The following PRDM15 variants were observed in gnomAD, a reference collection of about 807,000 sequenced individuals.
PRDM15 encodes the protein PR domain zinc finger protein 15.
A neutral mutation model predicts 128.6 loss-of-function variants in PRDM15; 64 were observed. The ratio of observed to expected loss-of-function variants is 0.50; its 90% CI spans 0.41 to 0.61. PRDM15 has a LOEUF of 0.61. PRDM15 is among the 20% of genes least tolerant of loss of function. PRDM15 has a pLI of 0.00. For missense variants in PRDM15, 1,242 were observed against 1,569.1 expected (o/e 0.79, Z 3.52); for synonymous variants, 615 against 621.8 (o/e 0.99, Z 0.16).
chr21:41,858,642 G>C (rs1160139924), intron 3 of PRDM15, among the ~76,000 whole-genome samples: 1 of 152,250 alleles, frequency 6.6e-6, no homozygotes, highest in Non-Finnish European at 1.5e-5. Context: ...AGGCCCCTCA[G>C]GGCGGGCAGG....
intron 1 of PRDM15, among the ~76,000 whole-genome samples, chr21:41,864,912 T>TC (rs2063947554): frequency 1.2e-5 from 1 of 81,332 alleles, no homozygotes; most frequent in South Asian, 4.6e-4. Context: ...CAGCCACGCT[T>TC]CCCGGAACGC....
chr21:41,879,312 G>C lies in PRDM15; in HGVS notation c.-52C>G. The C allele has an allele frequency of 9.1e-7, 1 of 1,094,794 alleles. No individual in the cohort carries two copies. The highest frequency in any genetic ancestry group is 1.1e-6 in the Non-Finnish European group (1 of 890,194). 67.8% of individuals were successfully genotyped at this position (1,094,794 alleles called of 1,614,324 possible). On this transcript the variant is annotated 5_prime_UTR_variant, in exon 1 of 24. Transcript: ENST00000398548. This position sits in a 1 kb window ranked among gnomAD's most constrained non-coding sequence, Gnocchi z 5.1. ...AGAGCGGGATCGGATCCGGACTCCG[G>C]GTTGCGATCCGCTCCGGAAACTGCG...
In PRDM15 at chr21:41,819,811, A is replaced by T. The variant is rs913540771; in HGVS notation, c.2141-110T>A. 4 of 1,409,356 alleles carry T rather than the reference A, an allele frequency of 2.8e-6. No individual in the cohort carries two copies. The African/African-American group carries it at 4.3e-5, about 15-fold the overall frequency. The allele number at this position is 1,409,356 out of a possible 1,614,324, so 87.3% of individuals were successfully genotyped here. On this transcript the variant is annotated intron_variant, in intron 17 of 23. Coordinates refer to ENST00000398548, the MANE Select transcript of PRDM15 (RefSeq NM_001040424.3). ...CAGCCTCCCCAGCAGCTAGAAGCGC[A>T]GTAACAGGGGTGGGGTCGCCTCTTC...
intron 6 of PRDM15, among the ~76,000 whole-genome samples, chr21:41,842,758 G>A (rs1041364768): frequency 2.7e-5 from 4 of 148,300 alleles, no homozygotes; most frequent in African/African-American, 7.5e-5. Flanking sequence ...CAAAGTGTTG[G>A]GATTACAGCC....
In PRDM15 at chr21:41,820,085, A is replaced by C. The variant is rs1486927034; in HGVS notation, c.2140+10T>G. On this transcript the variant is annotated intron_variant, in intron 17 of 23. Transcript: ENST00000398548. The stretch of plus-strand genomic sequence containing the variant: ...GAGGGCCGGGACCCCAAATGCTGAC[A>C]GACACGCACCTGTGTGGATGAGCTT... 6.2e-7 allele frequency: 1 copy of C among 1,612,966 alleles called. No homozygotes were observed. Among genetic ancestry groups the C allele is most frequent in the Admixed American group, 1.7e-5 (1 of 60,018 alleles).
chr21:41,853,830 T>C (rs1875514805), intron 5 of PRDM15, among the ~76,000 whole-genome samples: 1 of 152,160 alleles, frequency 6.6e-6, no homozygotes, highest in Admixed American at 6.5e-5. Flanking sequence ...GAGGAGGCCA[T>C]TGCACGGTGA....
At chr21:41,833,246 A>G (rs2146538642) in intron 11 of PRDM15, among the ~76,000 whole-genome samples, 1 of 152,222 alleles carries the variant, frequency 6.6e-6, no homozygotes, top group Non-Finnish European at 1.5e-5. Flanking sequence ...TCACACCACA[A>G]GGGACAGGCA....
chr21:41,842,613 C>T (rs2063107816), intron 6 of PRDM15, among the ~76,000 whole-genome samples: 1 of 152,096 alleles, frequency 6.6e-6, no homozygotes, highest in South Asian at 2.1e-4. Context: ...GCCCCAGCCT[C>T]CTGAGTAGCT....
intron 5 of PRDM15, among the ~76,000 whole-genome samples, chr21:41,849,645 T>G (rs1411321842): frequency 6.6e-6 from 1 of 151,464 alleles, no homozygotes; most frequent in Non-Finnish European, 1.5e-5. Context: ...TGCTGGTTTT[T>G]AAAATACAGG....
Position 41,838,038 on chromosome 21 carries a change from C to G in PRDM15, c.897G>C (p.Glu299Asp), listed in dbSNP as rs755989761. 6.2e-7 allele frequency: 1 copy of G among 1,614,160 alleles called. No homozygotes were observed. The highest frequency in any genetic ancestry group is 1.6e-4 in the Middle Eastern group (1 of 6,062). Reference protein sequence around the residue: ...PTEQVAEIITEVPPDEPVSAT... With the variant: ...PTEQVAEIITDVPPDEPVSAT... ...CACTCACAGGCTCATCCGGAGGGAC[C>G]TCGGTAATGATCTCTGCCACTTGCT... Residue 299 changes from glutamate to aspartate, a missense_variant, in exon 8 of 24, where the codon GAG (glutamate) becomes GAC (aspartate). Physicochemically the swap from Glu to Asp is conservative, Grantham distance 45 (BLOSUM62 2). Coordinates refer to ENST00000398548, the MANE Select transcript of PRDM15 (RefSeq NM_001040424.3).
At chr21:41,819,186 C>T (rs1269829550) in intron 18 of PRDM15, among the ~76,000 whole-genome samples, 1 of 152,226 alleles carries the variant, frequency 6.6e-6, no homozygotes, top group Admixed American at 6.5e-5. Flanking sequence ...CTTAAGTAAG[C>T]GACTGAAGCC....
Position 41,854,935 on chromosome 21 carries a change from A to C in PRDM15, c.286-117T>G. 1 of 1,145,564 alleles carries C rather than the reference A, an allele frequency of 8.7e-7. No homozygotes were observed. The highest frequency in any genetic ancestry group is 1.2e-6 in the Non-Finnish European group (1 of 823,336). The allele number at this position is 1,145,564 out of a possible 1,614,324, so 71.0% of individuals were successfully genotyped here. A position where few individuals can be genotyped will look rare whatever the true frequency, so the allele number is the denominator to read the frequency against. Reference sequence around the variant, plus strand: ...TCTAGACAGTGCCACGTCAGAGGCCATAAGGGCTCCTGTACGGGATGTTGA... The same window carrying C: ...TCTAGACAGTGCCACGTCAGAGGCCCTAAGGGCTCCTGTACGGGATGTTGA... On this transcript the variant is annotated intron_variant, in intron 4 of 23. Coordinates refer to ENST00000398548, the MANE Select transcript of PRDM15 (RefSeq NM_001040424.3). This position sits in a 1 kb window ranked among gnomAD's most constrained non-coding sequence, Gnocchi z 4.6.
In PRDM15 at chr21:41,862,691, C is replaced by G. The variant is rs751839791; in HGVS notation, c.-9-2319G>C. Among the ~76,000 whole-genome samples the G allele has an allele frequency of 9.9e-5, 15 of 152,190 alleles. No individual in the cohort carries two copies. Among genetic ancestry groups the G allele is most frequent in the Non-Finnish European group, 2.1e-4 (14 of 68,032 alleles). ...GCCACAGCCACCCTGGGCTGCAGAT[C>G]AGGCCTGATAAACGGAGCATCTTCA... On this transcript the variant is annotated intron_variant, in intron 1 of 23. Transcript: ENST00000398548. The surrounding 1 kb of genome is among the most constrained non-coding windows in gnomAD (Gnocchi z 4.1).
At chr21:41,804,909 AGG>A (rs2146170096) in intron 21 of PRDM15, among the ~76,000 whole-genome samples, 1 of 152,294 alleles carries the variant, frequency 6.6e-6, no homozygotes, top group South Asian at 2.1e-4. Flanking sequence ...CCCCCACCAA[AGG>A]GGTGAGGTTT....
At position 41,856,004 on chromosome 21, in the gene PRDM15, CCTTCCTTT is replaced by C. The variant is rs2063586263; in HGVS notation, c.285+1164_285+1171del. On this transcript the variant is annotated intron_variant, in intron 4 of 23. Transcript: ENST00000398548. ...CTTCCCTCCCTCCCTCCCCTCCCTT[CCTTCCTTT>C]CCTTCCCTCCCTCCCTCCCCTCCCT... is the stretch of plus-strand genomic sequence containing the variant. Among the ~76,000 whole-genome samples, 3 of 7,052 alleles carry C rather than the reference CCTTCCTTT, an allele frequency of 4.3e-4. No individual in the cohort carries two copies. In the East Asian group the frequency reaches 0.02, roughly 46 times the overall value. The allele number at this position is 7,052 out of a possible 152,430, so 4.6% of individuals were successfully genotyped here. A position where few individuals can be genotyped will look rare whatever the true frequency, so the allele number is the denominator to read the frequency against.
At chr21:41,860,777 C>A (rs896628707) in intron 1 of PRDM15, among the ~76,000 whole-genome samples, 6 of 152,174 alleles carry the variant, frequency 3.9e-5, no homozygotes, top group African/African-American at 1.4e-4. Context: ...CCAGCCAGTA[C>A]AGGAACATTA....
In PRDM15 at chr21:41,821,207, C is replaced by T; in HGVS notation, c.1920G>A (p.Glu640=). 2 of 1,614,198 alleles carry T rather than the reference C, an allele frequency of 1.2e-6. No individual in the cohort carries two copies. Among genetic ancestry groups the T allele is most frequent in the Non-Finnish European group, 1.7e-6 (2 of 1,180,040 alleles). Residue 640 remains glutamate (E), a synonymous_variant, in exon 16 of 24, where the codon GAG becomes GAA. Transcript: ENST00000398548. The surrounding 1 kb of genome is among the most constrained non-coding windows in gnomAD (Gnocchi z 5.4). ...GCACCTCCATGATGTGCTTCAGGTA[C>T]TCCTTCCCCCGGCCGAAGGTGAGCT... is the stretch of plus-strand genomic sequence containing the variant. ...RCQLTFGRGK[E]YLKHIMEVHK...
At chr21:41,873,912 G>A (rs1242429383) in intron 1 of PRDM15, among the ~76,000 whole-genome samples, 1 of 152,026 alleles carries the variant, frequency 6.6e-6, no homozygotes, top group East Asian at 1.9e-4. Flanking sequence ...CAGGCATGGT[G>A]GCACATGCCT....
intron 13 of PRDM15, among the ~76,000 whole-genome samples, chr21:41,824,650 C>T (rs548240948): frequency 1.3e-5 from 2 of 152,194 alleles, no homozygotes; most frequent in African/African-American, 2.4e-5. Context: ...GCACAGGCTT[C>T]GCCCACCTCT....
Sources: gnomAD v4.1 joint callset for allele counts (sites outside exome capture counted in the v4.1 genomes callset) on GRCh38, gnomAD v4.1.1 for gene constraint, Gnocchi (gnomAD v3.1) non-coding constraint, MANE v1.5 for transcripts, NCBI Gene and HGNC (gene_info 2026-07-23, HGNC 2026-07-21) for gene names.